CTHRC1: variants seen among roughly 807,000 people sequenced by gnomAD.
CTHRC1 encodes collagen triple helix repeat-containing protein 1.
A neutral mutation model predicts 25.9 loss-of-function variants in CTHRC1; 21 were observed. That is an observed-to-expected ratio of 0.81 (90% CI 0.57 to 1.17). The LOEUF (loss-of-function observed/expected upper bound fraction) is 1.17. Among genes scored for constraint, CTHRC1 ranks in the 50% most tolerant of loss-of-function variants. CTHRC1 has a pLI of 0.00. For missense variants in CTHRC1, 281 were observed against 304.3 expected, an observed-to-expected ratio of 0.92 and a Z score of 0.57; for synonymous variants, 109 against 113.1, an observed-to-expected ratio of 0.96 and a Z score of 0.23.
Position 103,378,074 on chromosome 8 carries a change from G to C in CTHRC1, c.420G>C (p.Leu140Phe), listed in dbSNP as rs754897420. 6.2e-7 allele frequency: 1 copy of C among 1,614,148 alleles called. No homozygotes were observed. Among genetic ancestry groups the C allele is most frequent in the Non-Finnish European group, 8.5e-7 (1 of 1,180,018 alleles). Residue 140 changes from leucine (L) to phenylalanine (F), a missense_variant, in exon 3 of 4, where the codon TTG becomes TTC. Leu to Phe is a conservative substitution (Grantham distance 22). Coordinates refer to ENST00000330295, the MANE Select transcript of CTHRC1 (RefSeq NM_138455.4). ...GTTCAAATAGTGCTCTAAGAGTTTTGTTCAGTGGCTCACTTCGGCTAAAAT... is the reference window on the plus strand; with the variant it reads ...GTTCAAATAGTGCTCTAAGAGTTTTCTTCAGTGGCTCACTTCGGCTAAAAT... ...KMRSNSALRV[L>F]FSGSLRLKCR...
chr8:103,377,922 A>G lies in CTHRC1; in HGVS notation c.373-105A>G, dbSNP rs1489784026. Reference sequence around the variant, plus strand: ...CCCGGCCAAGTTAAACTTTTTAAATACATTTTGGGGAAAAGGATAGTTAAG... The same window carrying G: ...CCCGGCCAAGTTAAACTTTTTAAATGCATTTTGGGGAAAAGGATAGTTAAG... On this transcript the variant is annotated intron_variant, in intron 2 of 3. Transcript: ENST00000330295. 2.9e-6 allele frequency: 3 copies of G among 1,023,678 alleles called. No homozygotes were observed. The African/African-American group carries it at 4.8e-5, about 17-fold the overall frequency. The allele number at this position is 1,023,678 out of a possible 1,614,324, so 63.4% of individuals were successfully genotyped here.
intron 1 of CTHRC1, 93 bp downstream of exon 1, chr8:103,371,899 GGT>G (rs1350769483): frequency 1.6e-6 from 2 of 1,278,662 alleles, no homozygotes; most frequent in East Asian, 5.7e-5. Flanking sequence ...GGCTGTTGGG[GGT>G]GTCTGTCTGT....
At position 103,375,761 on chromosome 8, in the gene CTHRC1, G is replaced by T; in HGVS notation, c.174G>T (p.Gly58=). 3 of 1,614,030 alleles carry T rather than the reference G, an allele frequency of 1.9e-6. No homozygotes were observed. The highest frequency in any genetic ancestry group is 2.5e-6 in the Non-Finnish European group (3 of 1,179,980). Residue 58 remains glycine (G), a synonymous_variant, in exon 2 of 4, where the codon GGG becomes GGT. Transcript: ENST00000330295. The part of the protein sequence containing the change: ...VDLYNGMCLQ[G]PAGVPGRDGS... ...AGTATAATGGAATGTGCTTACAAGG[G>T]CCAGCAGGAGTGCCTGGTCGAGACG...
Position 103,371,701 on chromosome 8 carries a change from C to T in CTHRC1, c.45C>T (p.Gly15=), listed in dbSNP as rs1259724786. The T allele has an allele frequency of 5.9e-6, 9 of 1,534,172 alleles. No homozygotes were observed. The highest frequency in any genetic ancestry group is 7.9e-6 in the Non-Finnish European group (9 of 1,141,182). ...CCGCCTCCCCGCAGCGGCTCCGCGG[C>T]CTCCTGCTGCTCCTGCTGCTGCAGC... ...GPAASPQRLR[G]LLLLLLLQLP... Residue 15 remains glycine (G), a synonymous_variant, in exon 1 of 4, where the codon GGC becomes GGT. Transcript: ENST00000330295.
chr8:103,377,482 C>T (rs1474173059), intron 2 of CTHRC1, among the ~76,000 whole-genome samples: 1 of 152,140 alleles, frequency 6.6e-6, no homozygotes, highest in Non-Finnish European at 1.5e-5. Flanking sequence ...GAAAGATACC[C>T]TCAATGGGGC....
At position 103,375,945 on chromosome 8, in the gene CTHRC1, C is replaced by G; in HGVS notation, c.358C>G (p.Leu120Val). ...SWSSLNYGID[L>V]GKIAECTFTK... ...GAGTTCATTGAATTATGGCATAGAT[C>G]TTGGGAAAATTGCGGTAAGTTTGAA... Residue 120 changes from leucine (L) to valine (V), a missense_variant, in exon 2 of 4, where the codon CTT (leucine) becomes GTT (valine). Transcript: ENST00000330295. The G allele has an allele frequency of 6.2e-7, 1 of 1,613,032 alleles. No individual in the cohort carries two copies. The highest frequency in any genetic ancestry group is 8.5e-7 in the Non-Finnish European group (1 of 1,179,234).
At chr8:103,373,684 C>T (rs1024317194) in intron 1 of CTHRC1, among the ~76,000 whole-genome samples, 6 of 146,922 alleles carry the variant, frequency 4.1e-5, no homozygotes, top group African/African-American at 1.5e-4. Flanking sequence ...TTAGCAGCAT[C>T]GTTTGTACAT....
intron 3 of CTHRC1, among the ~76,000 whole-genome samples, chr8:103,380,516 T>C (rs1815887961): frequency 6.6e-6 from 1 of 152,264 alleles, no homozygotes; most frequent in Admixed American, 6.5e-5. Context: ...AGCCTTGATA[T>C]GCCCATGGGA....
chr8:103,376,137 G>C, intron 2 of CTHRC1, 178 bp downstream of exon 2: 4 of 634,438 alleles, frequency 6.3e-6, no homozygotes, highest in Non-Finnish European at 1.1e-5. Flanking sequence ...GAATTTCATA[G>C]AGATATTTCT....
In CTHRC1 at chr8:103,382,687, C is replaced by T. The variant is rs1035606065; in HGVS notation, c.*87C>T. The T allele has an allele frequency of 5.1e-6, 6 of 1,170,654 alleles. No individual in the cohort carries two copies. Among genetic ancestry groups the T allele is most frequent in the Admixed American group, 5.1e-5 (3 of 59,334 alleles). The allele number at this position is 1,170,654 out of a possible 1,614,324, so 72.5% of individuals were successfully genotyped here. On this transcript the variant is annotated 3_prime_UTR_variant, in exon 4 of 4. Coordinates refer to ENST00000330295, the MANE Select transcript of CTHRC1 (RefSeq NM_138455.4). ...GACATTTTAAATAAGTTTATGTATA[C>T]ATCTGAATGAAAAGCAAAGCTAAAT...
At position 103,371,619 on chromosome 8, in the gene CTHRC1, TC is replaced by T; in HGVS notation, c.-36del. On this transcript the variant is annotated 5_prime_UTR_variant, in exon 1 of 4. Transcript: ENST00000330295. ...GACCACGTTCCTCTCCTCGGTCTCCTCCGCCTCCAGCTCCGCGCTGCCCGGC... is the reference window on the plus strand; with the variant it reads ...GACCACGTTCCTCTCCTCGGTCTCCTCGCCTCCAGCTCCGCGCTGCCCGGC... 6.5e-7 allele frequency: 1 copy of T among 1,527,332 alleles called. No homozygotes were observed. 94.6% of individuals were successfully genotyped at this position (1,527,332 alleles called of 1,614,324 possible). A position where few individuals can be genotyped will look rare whatever the true frequency, so the allele number is the denominator to read the frequency against.
At chr8:103,372,482 C>T in intron 1 of CTHRC1, 4 of 1,593,730 alleles carry the variant, frequency 2.5e-6, no homozygotes, top group Admixed American at 3.4e-5. Flanking sequence ...CGCTAACCCT[C>T]TAAGGACCTG....
chr8:103,380,862 T>C (rs1815898002), intron 3 of CTHRC1, among the ~76,000 whole-genome samples: 1 of 152,178 alleles, frequency 6.6e-6, no homozygotes, highest in Non-Finnish European at 1.5e-5. Context: ...TTAAATGGGA[T>C]TGTGGGCCTA....
Position 103,371,621 on chromosome 8 carries a change from C to T in CTHRC1, c.-36C>T, listed in dbSNP as rs753794152. 1.2e-5 allele frequency: 18 copies of T among 1,527,618 alleles called. No homozygotes were observed. The highest frequency in any genetic ancestry group is 2.3e-4 in the Middle Eastern group (1 of 4,316). The allele number at this position is 1,527,618 out of a possible 1,614,324, so 94.6% of individuals were successfully genotyped here. On this transcript the variant is annotated 5_prime_UTR_variant, in exon 1 of 4. Transcript: ENST00000330295. ...CCACGTTCCTCTCCTCGGTCTCCTC[C>T]GCCTCCAGCTCCGCGCTGCCCGGCA... is the stretch of plus-strand genomic sequence containing the variant.
At chr8:103,380,045 T>C (rs1815878514) in intron 3 of CTHRC1, among the ~76,000 whole-genome samples, 1 of 152,194 alleles carries the variant, frequency 6.6e-6, no homozygotes, top group South Asian at 2.1e-4. Flanking sequence ...CCCTCTTCAC[T>C]AAGTACTTAG....
chr8:103,374,963 C>T (rs1815778118), intron 1 of CTHRC1, among the ~76,000 whole-genome samples: 1 of 152,170 alleles, frequency 6.6e-6, no homozygotes. Context: ...ATGTCCTTCT[C>T]CAAACAAACA....
Position 103,371,708 on chromosome 8 carries a change from C to G in CTHRC1, c.52C>G (p.Leu18Val). 6.5e-7 allele frequency: 1 copy of G among 1,535,516 alleles called. No individual in the cohort carries two copies. The highest frequency in any genetic ancestry group is 8.8e-7 in the Non-Finnish European group (1 of 1,141,572). Reference sequence around the variant, plus strand: ...CCCGCAGCGGCTCCGCGGCCTCCTGCTGCTCCTGCTGCTGCAGCTGCCCGC... The same window carrying G: ...CCCGCAGCGGCTCCGCGGCCTCCTGGTGCTCCTGCTGCTGCAGCTGCCCGC... ...ASPQRLRGLLLLLLLQLPAPS... is the reference protein window; with the variant it reads ...ASPQRLRGLLVLLLLQLPAPS... The change falls in exon 1 of 4, where the codon CTG becomes GTG. Residue 18 changes from leucine to valine, a missense_variant. By Grantham distance (32) the Leu-to-Val change is conservative. Coordinates refer to ENST00000330295, the MANE Select transcript of CTHRC1 (RefSeq NM_138455.4).
intron 2 of CTHRC1, among the ~76,000 whole-genome samples, chr8:103,377,672 C>T (rs892997499): frequency 2.0e-5 from 3 of 152,180 alleles, no homozygotes; most frequent in Admixed American, 6.6e-5. Flanking sequence ...GGCACAATTT[C>T]GGCTTACTGC....
At chr8:103,380,203 T>C (rs1192512336) in intron 3 of CTHRC1, among the ~76,000 whole-genome samples, 1 of 152,234 alleles carries the variant, frequency 6.6e-6, no homozygotes, top group Non-Finnish European at 1.5e-5. Flanking sequence ...TATTCTGTTA[T>C]CTTTAAGGTG....
Sources: gnomAD v4.1 joint callset for allele counts (sites outside exome capture counted in the v4.1 genomes callset) on GRCh38, gnomAD v4.1.1 for gene constraint, MANE v1.5 for transcripts, NCBI Gene and HGNC (gene_info 2026-07-23, HGNC 2026-07-21) for gene names.